TOPAZ1: variants seen among roughly 807,000 people sequenced by gnomAD.
TOPAZ1 encodes testis and ovary specific TOPAZ 1.
A neutral mutation model predicts 172.2 loss-of-function variants in TOPAZ1; 66 were observed. The ratio of observed to expected loss-of-function variants is 0.38; its 90% CI spans 0.31 to 0.47. The LOEUF (loss-of-function observed/expected upper bound fraction) is 0.47. Among genes scored for constraint, TOPAZ1 ranks in the 20% least tolerant of loss-of-function variants. The pLI, the probability that TOPAZ1 is intolerant of heterozygous loss-of-function variation, is 0.99. For missense variants in TOPAZ1, 1,822 were observed against 1,972.4 expected (o/e 0.92, Z 1.44); for synonymous variants, 681 against 683.9 (o/e 1.00, Z 0.07).
chr3:44,327,496 T>C (rs1186660813), intron 18 of TOPAZ1, among the ~76,000 whole-genome samples: 1 of 152,238 alleles, frequency 6.6e-6, no homozygotes, highest in African/African-American at 2.4e-5. Context: ...TTGGTGAATG[T>C]AGCTACAACA....
intron 18 of TOPAZ1, among the ~76,000 whole-genome samples, chr3:44,326,536 A>G (rs997178808): frequency 1.3e-5 from 2 of 152,058 alleles, no homozygotes; most frequent in Non-Finnish European, 2.9e-5. Context: ...ATACATACAC[A>G]TGTACATATG....
At chr3:44,252,210 G>C (rs751047781) in intron 2 of TOPAZ1, among the ~76,000 whole-genome samples, 3 of 152,084 alleles carry the variant, frequency 2.0e-5, no homozygotes, top group Admixed American at 6.6e-5. Context: ...ATAATTAGAG[G>C]CCACAGAAGC....
intron 19 of TOPAZ1, among the ~76,000 whole-genome samples, chr3:44,329,326 C>T (rs1197629673): frequency 2.6e-5 from 4 of 152,188 alleles, no homozygotes; most frequent in East Asian, 1.9e-4. Flanking sequence ...TAGTCACCTA[C>T]GTGATAGCTT....
At chr3:44,291,471 C>T (rs906631861) in intron 12 of TOPAZ1, among the ~76,000 whole-genome samples, 4 of 151,726 alleles carry the variant, frequency 2.6e-5, no homozygotes, top group Admixed American at 2.6e-4. Flanking sequence ...CATGGTAGCG[C>T]GTGCCTGTAA....
intron 12 of TOPAZ1, among the ~76,000 whole-genome samples, chr3:44,295,379 G>C (rs897090796): frequency 6.6e-6 from 1 of 152,006 alleles, no homozygotes; most frequent in East Asian, 1.9e-4. Context: ...AAAAAATGAA[G>C]AATTTCTCTA....
chr3:44,268,750 C>G (rs1699860352), intron 6 of TOPAZ1, among the ~76,000 whole-genome samples: 1 of 152,038 alleles, frequency 6.6e-6, no homozygotes, highest in African/African-American at 2.4e-5. Flanking sequence ...CTCATTTAAC[C>G]TGATTAACTT....
At chr3:44,289,548 A>C (rs1398099661) in intron 11 of TOPAZ1, among the ~76,000 whole-genome samples, 1 of 152,148 alleles carries the variant, frequency 6.6e-6, no homozygotes, top group East Asian at 1.9e-4. Flanking sequence ...TAGCATTTCT[A>C]GGACCCATTC....
At chr3:44,325,718 A>T (rs1234010808) in intron 18 of TOPAZ1, among the ~76,000 whole-genome samples, 3 of 150,684 alleles carry the variant, frequency 2.0e-5, no homozygotes, top group Non-Finnish European at 2.9e-5. Flanking sequence ...ATCTCGGCTC[A>T]CTGCAACCTC....
At chr3:44,336,549 G>A (rs1321791479), downstream of TOPAZ1, among the ~76,000 whole-genome samples, 2 of 152,216 alleles carry the variant, frequency 1.3e-5, no homozygotes, top group African/African-American at 4.8e-5. Flanking sequence ...GAGGATGGAT[G>A]ACTGACATTT....
At chr3:44,313,052 G>C (rs1184488529) in intron 16 of TOPAZ1, among the ~76,000 whole-genome samples, 3 of 151,994 alleles carry the variant, frequency 2.0e-5, no homozygotes, top group Admixed American at 2.0e-4. Context: ...CACTTACTAG[G>C]CTGCATGGTT....
intron 5 of TOPAZ1, among the ~76,000 whole-genome samples, chr3:44,264,874 C>T (rs919147117): frequency 2.0e-5 from 3 of 152,200 alleles, no homozygotes; most frequent in African/African-American, 7.2e-5. Flanking sequence ...TTAATCCATT[C>T]AAGTTTTATC....
intron 16 of TOPAZ1, among the ~76,000 whole-genome samples, chr3:44,314,675 C>A (rs1241098788): frequency 6.6e-6 from 1 of 151,912 alleles, no homozygotes; most frequent in Non-Finnish European, 1.5e-5. Context: ...GCCTCCTGAG[C>A]AAAATGGTGG....
intron 8 of TOPAZ1, among the ~76,000 whole-genome samples, chr3:44,277,293 C>T (rs1699971019): frequency 6.6e-6 from 1 of 152,048 alleles, no homozygotes; most frequent in Admixed American, 6.5e-5. Flanking sequence ...TCTCTCTCAG[C>T]TAGTTCATTA....
intron 13 of TOPAZ1, 80 bp downstream of exon 13, chr3:44,304,161 C>T: frequency 1.3e-6 from 1 of 775,380 alleles, no homozygotes; most frequent in Non-Finnish European, 2.0e-6. Context: ...ATAATAACCC[C>T]ATTTTATGAA....
At chr3:44,288,781 C>A (rs560548781) in intron 11 of TOPAZ1, among the ~76,000 whole-genome samples, 3 of 152,036 alleles carry the variant, frequency 2.0e-5, no homozygotes, top group Non-Finnish European at 2.9e-5. Flanking sequence ...CAAAATGTAC[C>A]CCGCAGTGAC....
At position 44,267,144 on chromosome 3, in the gene TOPAZ1, T is replaced by C. The variant is rs904421636; in HGVS notation, c.3160+8T>C. ...TGAATACCTGGATGAATGGTACTATTTGTTTTCTTAATGAAATCCTGTTGG... is the reference window on the plus strand; with the variant it reads ...TGAATACCTGGATGAATGGTACTATCTGTTTTCTTAATGAAATCCTGTTGG... On this transcript the variant is annotated splice_region_variant and intron_variant, in intron 6 of 19. Coordinates refer to ENST00000309765, the MANE Select transcript of TOPAZ1 (RefSeq NM_001145030.2). The C allele has an allele frequency of 4.0e-6, 6 of 1,498,028 alleles. No individual in the cohort carries two copies. Among genetic ancestry groups the C allele is most frequent in the Non-Finnish European group, 5.3e-6 (6 of 1,124,752 alleles). The allele number at this position is 1,498,028 out of a possible 1,614,324, so 92.8% of individuals were successfully genotyped here.
chr3:44,245,292 C>T (rs1350669249), intron 2 of TOPAZ1, 21 bp downstream of exon 2: 1 of 1,496,886 alleles, frequency 6.7e-7, no homozygotes, highest in Non-Finnish European at 8.9e-7. Context: ...TCAAGTATTC[C>T]TTTTAGTGCA....
chr3:44,267,867 G>A (rs901199950), intron 6 of TOPAZ1, among the ~76,000 whole-genome samples: 9 of 151,926 alleles, frequency 5.9e-5, no homozygotes, highest in South Asian at 2.1e-4. Flanking sequence ...ATGCTGCCTC[G>A]TGTTGTATAC....
chr3:44,290,375 A>G (rs1700123330), intron 11 of TOPAZ1, among the ~76,000 whole-genome samples: 1 of 152,140 alleles, frequency 6.6e-6, no homozygotes, highest in South Asian at 2.1e-4. Flanking sequence ...TGAGTGATTA[A>G]TTTATCAAGG....
Sources: allele counts gnomAD v4.1 joint callset (sites outside exome capture counted in the v4.1 genomes callset), GRCh38; gene constraint gnomAD v4.1.1; transcripts MANE v1.5; gene names NCBI Gene and HGNC (gene_info 2026-07-23, HGNC 2026-07-21).